The following SERPIND1 variants were observed in gnomAD, a reference collection of about 807,000 sequenced individuals.
SERPIND1 encodes serpin family D member 1.
In SERPIND1, 34 loss-of-function variants were observed where a neutral mutation model predicts 35.0. The observed-to-expected ratio is 0.97, with a 90% CI of 0.74 to 1.29. The LOEUF is 1.29. SERPIND1 is among the 50% of genes most tolerant of loss of function. SERPIND1 has a pLI of 0.00. For synonymous variants in SERPIND1, 236 were observed against 241.1 expected (o/e 0.98, Z 0.19); for missense variants, 633 against 637.7 (o/e 0.99, Z 0.08).
Position 20,787,060 on chromosome 22 carries a change from G to A in SERPIND1, c.1494G>A (p.Arg498=). 6.2e-7 allele frequency: 1 copy of A among 1,614,112 alleles called. No homozygotes were observed. Among genetic ancestry groups the A allele is most frequent in the Non-Finnish European group, 8.5e-7 (1 of 1,180,002 alleles). Residue 498 remains arginine (R), a synonymous_variant, in exon 5 of 5, where the codon AGG becomes AGA. Transcript: ENST00000215727. ...TGGGAAGAGTGGCCAACCCCAGCAGGTCCTAGAGGTGGAGGTCTAGGTGTC... is the reference window on the plus strand; with the variant it reads ...TGGGAAGAGTGGCCAACCCCAGCAGATCCTAGAGGTGGAGGTCTAGGTGTC... ...LFMGRVANPS[R]S is the part of the protein sequence containing the mutation.
intron 2 of SERPIND1, 118 bp from the exon 3 acceptor site, chr22:20,783,854 G>C: frequency 7.5e-7 from 1 of 1,333,944 alleles, no homozygotes; most frequent in Non-Finnish European, 1.1e-6. Context: ...GAGACTGTGG[G>C]GTCGGCTCTG....
In SERPIND1 at chr22:20,786,140, A is replaced by G. The variant is rs1156779843; in HGVS notation, c.1300A>G (p.Ile434Val). ...AGGCATCTCAGACCAAAGGATCGCC[A>G]TCGACCTGGTAACCACTCCCTTGTC... Reference protein sequence around the residue: ...MAGISDQRIAIDLFKHQGTIT... With the variant: ...MAGISDQRIAVDLFKHQGTIT... Residue 434 changes from isoleucine (I) to valine (V), a missense_variant, in exon 4 of 5, where the codon ATC (isoleucine) becomes GTC (valine). Physicochemically the swap from Ile to Val is conservative, Grantham distance 29. Transcript: ENST00000215727. The G allele has an allele frequency of 1.2e-6, 2 of 1,613,984 alleles. No homozygotes were observed. The highest frequency in any genetic ancestry group is 1.7e-5 in the Admixed American group (1 of 60,002).
rs4675 is a variant in SERPIND1 at position 20,787,012 on chromosome 22, T to A, written c.1446T>A (p.His482Gln). The change falls in exon 5 of 5, where the codon CAT becomes CAA. Residue 482 changes from histidine (H) to glutamine (Q), a missense_variant. Transcript: ENST00000215727. ...CCTTTCTTTTCCTCATCTACGAGCA[T>A]CGCACCAGCTGCCTGCTCTTCATGG... The part of the protein sequence containing the change: ...DRPFLFLIYE[H>Q]RTSCLLFMGR... 1 of 1,613,830 alleles carries A rather than the reference T, an allele frequency of 6.2e-7. No homozygotes were observed. The highest frequency in any genetic ancestry group is 8.5e-7 in the Non-Finnish European group (1 of 1,179,938).
In SERPIND1 at chr22:20,786,210, T is replaced by A. The variant is rs1934211170; in HGVS notation, c.1308+62T>A. 3 of 1,580,310 alleles carry A rather than the reference T, an allele frequency of 1.9e-6. No homozygotes were observed. In the African/African-American group the frequency reaches 4.0e-5, roughly 21 times the overall value. On this transcript the variant is annotated intron_variant, in intron 4 of 4. Coordinates refer to ENST00000215727, the MANE Select transcript of SERPIND1 (RefSeq NM_000185.4). ...GGGTCTGCCTCAGCACAGCCCCACC[T>A]CCACTTGCCCTTCCTACCCACCCCC...
rs1244613967 is a variant in SERPIND1 at position 20,779,588 on chromosome 22, C to T, written c.276C>T (p.Tyr92=). Residue 92 remains tyrosine, a synonymous_variant, in exon 2 of 5, where the codon TAC becomes TAT. Coordinates refer to ENST00000215727, the MANE Select transcript of SERPIND1 (RefSeq NM_000185.4). The part of the protein sequence containing the change: ...LEKIFSEDDD[Y]IDIVDSLSVS... ...AGATATTCAGTGAAGACGACGACTA[C>T]ATCGACATCGTCGACAGTCTGTCAG... 6.2e-7 allele frequency: 1 copy of T among 1,614,248 alleles called. No individual in the cohort carries two copies. Among genetic ancestry groups the T allele is most frequent in the Non-Finnish European group, 8.5e-7 (1 of 1,180,032 alleles).
chr22:20,780,322 A>C, intron 2 of SERPIND1, 121 bp downstream of exon 2: 1 of 1,477,108 alleles, frequency 6.8e-7, no homozygotes, highest in Non-Finnish European at 9.4e-7. Context: ...TAGACACAAG[A>C]TTGACTCTGG....
chr22:20,783,283 T>C (rs1231827109), intron 2 of SERPIND1, among the ~76,000 whole-genome samples: 1 of 151,738 alleles, frequency 6.6e-6, no homozygotes, highest in Non-Finnish European at 1.5e-5. Context: ...AGAATCACAG[T>C]GTGAGGGATG....
Position 20,784,114 on chromosome 22 carries a change from C to T in SERPIND1, c.1032C>T (p.Ile344=). 6.2e-7 allele frequency: 1 copy of T among 1,614,188 alleles called. No homozygotes were observed. The highest frequency in any genetic ancestry group is 8.5e-7 in the Non-Finnish European group (1 of 1,180,032). Residue 344 remains isoleucine (I), a synonymous_variant, in exon 3 of 5, where the codon ATC becomes ATT. Coordinates refer to ENST00000215727, the MANE Select transcript of SERPIND1 (RefSeq NM_000185.4). ...AANDQELDCD[I]LQLEYVGGIS... is the part of the protein sequence containing the mutation. ...ATGACCAGGAGCTGGACTGCGACAT[C>T]CTCCAGCTGGAATACGTGGGGGGCA...
intron 2 of SERPIND1, among the ~76,000 whole-genome samples, chr22:20,783,297 G>A (rs1040035572): frequency 2.0e-5 from 3 of 151,914 alleles, no homozygotes; most frequent in Admixed American, 6.6e-5. Flanking sequence ...AGGGATGAAG[G>A]CCATCAAGAC....
Position 20,779,322 on chromosome 22 carries a change from T to C in SERPIND1, c.10T>C (p.Ser4Pro). The change falls in exon 2 of 5, where the codon TCA (serine) becomes CCA (proline). Residue 4 changes from serine (S) to proline (P), a missense_variant. Coordinates refer to ENST00000215727, the MANE Select transcript of SERPIND1 (RefSeq NM_000185.4). ...CTTTAGCTCCGCCAAAATGAAACAC[T>C]CATTAAACGCACTTCTCATTTTCCT... MKH[S>P]LNALLIFLII... The C allele has an allele frequency of 1.9e-6, 3 of 1,614,150 alleles. No individual in the cohort carries two copies. The highest frequency in any genetic ancestry group is 1.3e-5 in the African/African-American group (1 of 75,022).
chr22:20,781,784 T>C (rs1190993707), intron 2 of SERPIND1, among the ~76,000 whole-genome samples: 2 of 152,354 alleles, frequency 1.3e-5, no homozygotes, highest in East Asian at 1.9e-4. Flanking sequence ...AGTTTTGGAA[T>C]TGAGCAAACA....
At chr22:20,776,529 C>A (rs775933302) in intron 1 of SERPIND1, among the ~76,000 whole-genome samples, 2 of 152,128 alleles carry the variant, frequency 1.3e-5, no homozygotes, top group Non-Finnish European at 2.9e-5. Flanking sequence ...TTTGAACTTA[C>A]TATTTCAACA....
Position 20,783,865 on chromosome 22 carries a change from C to T in SERPIND1, c.890-107C>T. 2.0e-6 allele frequency: 3 copies of T among 1,470,982 alleles called. No individual in the cohort carries two copies. The Admixed American group carries it at 5.0e-5, about 25-fold the overall frequency. 91.1% of individuals were successfully genotyped at this position (1,470,982 alleles called of 1,614,324 possible). On this transcript the variant is annotated intron_variant, in intron 2 of 4. Transcript: ENST00000215727. ...TCAAGAGACTGTGGGGTCGGCTCTGCAGGCTATCTGAATGAGGCCTCCAGG... is the reference window on the plus strand; with the variant it reads ...TCAAGAGACTGTGGGGTCGGCTCTGTAGGCTATCTGAATGAGGCCTCCAGG...
chr22:20,775,613 T>C (rs1933210055), intron 1 of SERPIND1, among the ~76,000 whole-genome samples: 1 of 152,226 alleles, frequency 6.6e-6, no homozygotes, highest in African/African-American at 2.4e-5. Context: ...CTTATTTTTA[T>C]CTGAGAAGAA....
rs748715682 is a variant in SERPIND1 at position 20,779,825 on chromosome 22, A to G, written c.513A>G (p.Gly171=). 1 of 1,614,214 alleles carries G rather than the reference A, an allele frequency of 6.2e-7. No individual in the cohort carries two copies. The highest frequency in any genetic ancestry group is 1.1e-5 in the South Asian group (1 of 91,086). The change falls in exon 2 of 5, where the codon GGA becomes GGG. Residue 171 remains glycine, a synonymous_variant. Transcript: ENST00000215727. ...GTATGATTTCCTTAGGTCTGAAGGG[A>G]GAGACCCATGAACAAGTGCACTCGA... The part of the protein sequence containing the change: ...AMGMISLGLK[G]ETHEQVHSIL...
At chr22:20,775,466 G>A (rs922373583) in intron 1 of SERPIND1, among the ~76,000 whole-genome samples, 6 of 152,150 alleles carry the variant, frequency 3.9e-5, no homozygotes, top group African/African-American at 1.2e-4. Context: ...TGGGAACAGG[G>A]TATAAGAAGT....
In SERPIND1 at chr22:20,779,429, TC is replaced by T. The variant is rs753657428; in HGVS notation, c.121del (p.Gln41SerfsTer5). The T allele has an allele frequency of 6.2e-7, 1 of 1,614,148 alleles. No individual in the cohort carries two copies. The highest frequency in any genetic ancestry group is 8.5e-7 in the Non-Finnish European group (1 of 1,180,020). ...KGGETAQSADPQWEQLNNKNL... is the reference protein window; with the variant it reads ...KGGETAQSADXQWEQLNNKNL... ...GAGGGGAAACTGCTCAGTCTGCAGATCCCCAGTGGGAGCAGTTAAATAACAA... is the reference window on the plus strand; with the variant it reads ...GAGGGGAAACTGCTCAGTCTGCAGATCCCAGTGGGAGCAGTTAAATAACAA... On this transcript the variant is annotated frameshift_variant, in exon 2 of 5. Transcript: ENST00000215727. LOFTEE classifies it high-confidence loss of function.
rs137958110 is a variant in SERPIND1, at chr22:20,786,899, G to C, written c.1333G>C (p.Val445Leu). ...GTTCAAGCACCAAGGCACGATCACA[G>C]TGAACGAGGAAGGCACCCAAGCCAC... ...DLFKHQGTIT[V>L]NEEGTQATTV... The change falls in exon 5 of 5, where the codon GTG becomes CTG. Residue 445 changes from valine (V) to leucine (L), a missense_variant. Physicochemically the swap from Val to Leu is conservative, Grantham distance 32. Transcript: ENST00000215727. 9.7e-5 allele frequency: 157 copies of C among 1,614,088 alleles called. No homozygotes were observed. The highest frequency in any genetic ancestry group is 1.3e-4 in the Non-Finnish European group (148 of 1,180,040).
Position 20,779,311 on chromosome 22 carries a change from A to C in SERPIND1, c.-2A>C, listed in dbSNP as rs1419534017. 3 of 1,614,164 alleles carry C rather than the reference A, an allele frequency of 1.9e-6. No homozygotes were observed. The highest frequency in any genetic ancestry group is 2.5e-6 in the Non-Finnish European group (3 of 1,180,030). Reference sequence around the variant, plus strand: ...TTCCCTCCCAGCTTTAGCTCCGCCAAAATGAAACACTCATTAAACGCACTT... The same window carrying C: ...TTCCCTCCCAGCTTTAGCTCCGCCACAATGAAACACTCATTAAACGCACTT... On this transcript the variant is annotated 5_prime_UTR_variant, in exon 2 of 5. Transcript: ENST00000215727.
Sources: allele counts gnomAD v4.1 joint callset (sites outside exome capture counted in the v4.1 genomes callset), GRCh38; gene constraint gnomAD v4.1.1; transcripts MANE v1.5; gene names NCBI Gene and HGNC (gene_info 2026-07-23, HGNC 2026-07-21).